The following ADAMTS6 variants were observed in gnomAD, a reference collection of about 807,000 sequenced individuals.
ADAMTS6 encodes ADAM metallopeptidase with thrombospondin type 1 motif 6.
In ADAMTS6, 23 loss-of-function variants were observed where a neutral mutation model predicts 144.3. The observed-to-expected ratio is 0.16, with a 90% CI of 0.11 to 0.23. The LOEUF (loss-of-function observed/expected upper bound fraction) is 0.23, where lower values mean the gene tolerates loss of function less well. ADAMTS6 is among the 10% of genes least tolerant of loss of function. The probability of loss-of-function intolerance (pLI) is 1.00; values close to 1 mark genes in which losing one functional copy is unlikely to be tolerated. For missense variants in ADAMTS6, 999 were observed against 1,379.6 expected, an observed-to-expected ratio of 0.72 and a Z score of 4.37; for synonymous variants, 444 against 457.5, an observed-to-expected ratio of 0.97 and a Z score of 0.38.
intron 20 of ADAMTS6, among the ~76,000 whole-genome samples, chr5:65,207,052 G>A (rs148509768): frequency 6.6e-6 from 1 of 152,250 alleles, no homozygotes; most frequent in African/African-American, 2.4e-5. Flanking sequence ...TAATCATTTA[G>A]TATATGTAAA....
At chr5:65,215,185 A>C in intron 19 of ADAMTS6, 139 bp downstream of exon 19, 1 of 1,119,850 alleles carries the variant, frequency 8.9e-7, no homozygotes, top group Non-Finnish European at 1.3e-6. Flanking sequence ...GCACAGCTCT[A>C]ACACCCTTGG....
At chr5:65,250,872 A>G (rs1314566471) in intron 14 of ADAMTS6, among the ~76,000 whole-genome samples, 1 of 152,198 alleles carries the variant, frequency 6.6e-6, no homozygotes, top group African/African-American at 2.4e-5. Context: ...TTGATATGAA[A>G]TTTGGTTTAT....
chr5:65,442,403 T>TA (rs1243889756), intron 7 of ADAMTS6, among the ~76,000 whole-genome samples: 8 of 152,086 alleles, frequency 5.3e-5, no homozygotes, highest in Non-Finnish European at 7.4e-5. Flanking sequence ...ACTGGTAGTT[T>TA]AAAAAAATCA....
At chr5:65,255,313 G>A (rs942144470) in intron 14 of ADAMTS6, among the ~76,000 whole-genome samples, 2 of 151,986 alleles carry the variant, frequency 1.3e-5, no homozygotes, top group Admixed American at 6.6e-5. Context: ...AACAGGTGCT[G>A]TTTGGTTACA....
chr5:65,437,086 A>G lies in ADAMTS6; in HGVS notation c.1073+14389T>C, dbSNP rs1236922145. Among the ~76,000 whole-genome samples the G allele has an allele frequency of 2.1e-5, 3 of 144,470 alleles. No individual in the cohort carries two copies. In the East Asian group the frequency reaches 6.0e-4, roughly 29 times the overall value. 94.8% of individuals were successfully genotyped at this position (144,470 alleles called of 152,430 possible). On this transcript the variant is annotated intron_variant, in intron 7 of 24. Coordinates refer to ENST00000381055, the MANE Select transcript of ADAMTS6 (RefSeq NM_197941.4). ...AGACAAGAGAAGAGAGAGCTTGTGC[A>G]GGGAAACTCCCATTTTTTTTTTTTT...
chr5:65,448,037 T>G (rs1381280977), intron 7 of ADAMTS6, among the ~76,000 whole-genome samples: 2 of 150,402 alleles, frequency 1.3e-5, no homozygotes, highest in Non-Finnish European at 1.5e-5. Flanking sequence ...ATCTAGGTAG[T>G]GATAACAGTT....
At chr5:65,426,220 T>TC (rs1756520214) in intron 7 of ADAMTS6, among the ~76,000 whole-genome samples, 1 of 151,334 alleles carries the variant, frequency 6.6e-6, no homozygotes, top group African/African-American at 2.4e-5. Context: ...CTAATTTTTT[T>TC]TTTTTTTTTT....
rs1364153209 is a variant in ADAMTS6 at position 65,452,914 on chromosome 5, G to A, written c.636C>T (p.Phe212=). Residue 212 remains phenylalanine, a synonymous_variant, in exon 5 of 25, where the codon TTC becomes TTT. Transcript: ENST00000381055. The part of the protein sequence containing the change: ...YDHSHCGVSD[F]TRSGKPWWLN... Reference sequence around the variant, plus strand: ...GCCACCAAGGTTTGCCACTTCTTGTGAAATCTACAATAAAAGCAGCCAATT... The same window carrying A: ...GCCACCAAGGTTTGCCACTTCTTGTAAAATCTACAATAAAAGCAGCCAATT... 2 of 1,613,030 alleles carry A rather than the reference G, an allele frequency of 1.2e-6. No individual in the cohort carries two copies. Among genetic ancestry groups the A allele is most frequent in the Admixed American group, 3.3e-5 (2 of 59,904 alleles).
chr5:65,214,574 C>A lies in ADAMTS6; in HGVS notation c.2575+220G>T. On this transcript the variant is annotated intron_variant, in intron 20 of 24. Transcript: ENST00000381055. The surrounding 1 kb of genome is among the most constrained non-coding windows in gnomAD (Gnocchi z 4.6). ...GCACCAGCAGAGACACTCATTGTGC[C>A]AAGATGTATTTTACCAACAAATCTG... 1 of 636,270 alleles carries A rather than the reference C, an allele frequency of 1.6e-6. No individual in the cohort carries two copies. The allele number at this position is 636,270 out of a possible 1,614,324, so 39.4% of individuals were successfully genotyped here.
chr5:65,195,508 C>A (rs1394687145), intron 21 of ADAMTS6, among the ~76,000 whole-genome samples: 1 of 152,166 alleles, frequency 6.6e-6, no homozygotes, highest in African/African-American at 2.4e-5. Flanking sequence ...GTGAGTATCA[C>A]CTTTAAGATT....
At chr5:65,371,536 G>A (rs375436517) in intron 7 of ADAMTS6, among the ~76,000 whole-genome samples, 3 of 152,080 alleles carry the variant, frequency 2.0e-5, no homozygotes, top group East Asian at 1.9e-4. Flanking sequence ...GGAAGATGAA[G>A]TGAATGAAAT....
At chr5:65,407,053 A>G (rs1339681562) in intron 7 of ADAMTS6, among the ~76,000 whole-genome samples, 3 of 152,166 alleles carry the variant, frequency 2.0e-5, no homozygotes, top group Non-Finnish European at 4.4e-5. Context: ...CAAGTTGGAA[A>G]ATACTCTTCA....
intron 7 of ADAMTS6, among the ~76,000 whole-genome samples, chr5:65,437,286 G>T (rs747498060): frequency 6.6e-6 from 1 of 151,938 alleles, no homozygotes; most frequent in Admixed American, 6.6e-5. Flanking sequence ...AGTAGAGACA[G>T]GGTCTCACCA....
chr5:65,311,626 G>GA (rs1744500555), intron 9 of ADAMTS6, among the ~76,000 whole-genome samples: 9 of 151,818 alleles, frequency 5.9e-5, no homozygotes, highest in Admixed American at 5.9e-4. Flanking sequence ...CATATTTTGT[G>GA]TCATTTCCTC....
intron 9 of ADAMTS6, among the ~76,000 whole-genome samples, chr5:65,300,884 GCCTCC>G (rs1743304016): frequency 6.6e-6 from 1 of 152,110 alleles, no homozygotes; most frequent in Non-Finnish European, 1.5e-5. Flanking sequence ...GCCTGCCTCA[GCCTCC>G]CAAAGTGCTG....
intron 20 of ADAMTS6, among the ~76,000 whole-genome samples, chr5:65,204,570 T>C (rs1755957733): frequency 6.6e-6 from 1 of 152,152 alleles, no homozygotes; most frequent in Non-Finnish European, 1.5e-5. Flanking sequence ...GAGGGAATTG[T>C]GGGAGAGAGT....
chr5:65,459,449 C>T (rs1249633544), intron 4 of ADAMTS6, among the ~76,000 whole-genome samples: 1 of 152,170 alleles, frequency 6.6e-6, no homozygotes, highest in East Asian at 1.9e-4. Context: ...CCCCCAACCA[C>T]TATGAACCTC....
At chr5:65,462,116 C>T (rs1759677202) in intron 3 of ADAMTS6, among the ~76,000 whole-genome samples, 1 of 152,154 alleles carries the variant, frequency 6.6e-6, no homozygotes, top group Non-Finnish European at 1.5e-5. Context: ...CAAATACTGG[C>T]AGAAATAACA....
chr5:65,390,582 T>C (rs753412023), intron 7 of ADAMTS6, among the ~76,000 whole-genome samples: 7 of 152,252 alleles, frequency 4.6e-5, no homozygotes, highest in Non-Finnish European at 8.8e-5. Flanking sequence ...ATTTCTTCTC[T>C]AATTCTGCAT....
Sources: allele counts gnomAD v4.1 joint callset (sites outside exome capture counted in the v4.1 genomes callset), GRCh38; gene constraint gnomAD v4.1.1; non-coding constraint Gnocchi (gnomAD v3.1); transcripts MANE v1.5; gene names NCBI Gene and HGNC (gene_info 2026-07-23, HGNC 2026-07-21).